Variants in CIMAP3 observed in about 807,000 individuals in gnomAD.
CIMAP3 encodes ciliary microtubule associated protein 3.
chr1:111,330,129 C>T, the CIMAP3 span, among the ~76,000 whole-genome samples: 1 of 152,072 alleles, frequency 6.6e-6, no homozygotes, highest in African/African-American at 2.4e-5. Flanking sequence ...GTTTTGCTAT[C>T]CTCCTGAATC....
the CIMAP3 span, chr1:111,351,509 A>G: frequency 2.2e-6 from 1 of 453,056 alleles, no homozygotes; most frequent in Non-Finnish European, 3.9e-6. Flanking sequence ...TGCTATCTCC[A>G]TCTACTGACT....
At chr1:111,328,650 G>C in the CIMAP3 span, among the ~76,000 whole-genome samples, 4 of 151,892 alleles carry the variant, frequency 2.6e-5, no homozygotes, top group Non-Finnish European at 5.9e-5. Context: ...AATCTGTTTT[G>C]TTGGAAATTA....
chr1:111,327,352 G>C, the CIMAP3 span, among the ~76,000 whole-genome samples: 1 of 152,106 alleles, frequency 6.6e-6, no homozygotes, highest in African/African-American at 2.4e-5. Context: ...TTGGTACCAA[G>C]ATGATGTTGG....
At chr1:111,335,695 G>A in the CIMAP3 span, among the ~76,000 whole-genome samples, 717 of 152,354 alleles carry the variant, frequency 4.7e-3, 5 homozygotes, top group African/African-American at 0.016. Flanking sequence ...AAAGCAGTCC[G>A]GAAGCTCGAA....
chr1:111,343,846 G>C, the CIMAP3 span, among the ~76,000 whole-genome samples: 2 of 152,274 alleles, frequency 1.3e-5, no homozygotes, highest in South Asian at 4.2e-4. Flanking sequence ...AGTATACTGG[G>C]ATCTTTATTG....
the CIMAP3 span, chr1:111,347,762 C>T: frequency 5.6e-6 from 9 of 1,608,588 alleles, no homozygotes; most frequent in African/African-American, 9.4e-5. Context: ...AGGTTTAAGC[C>T]AATACAGAAG....
At chr1:111,350,665 C>T in the CIMAP3 span, among the ~76,000 whole-genome samples, 1 of 152,190 alleles carries the variant, frequency 6.6e-6, no homozygotes, top group African/African-American at 2.4e-5. Context: ...GGGGACAAAA[C>T]TGCCTGGATT....
At chr1:111,327,619 T>C in the CIMAP3 span, among the ~76,000 whole-genome samples, 215 of 152,312 alleles carry the variant, frequency 1.4e-3, 2 homozygotes, top group African/African-American at 4.1e-3. Flanking sequence ...TATCCATCTC[T>C]TCTAAGTTGT....
the CIMAP3 span, among the ~76,000 whole-genome samples, chr1:111,350,618 A>G: frequency 6.6e-6 from 1 of 152,178 alleles, no homozygotes; most frequent in Non-Finnish European, 1.5e-5. Context: ...TAGATCACTG[A>G]GGAGCCATAG....
the CIMAP3 span, chr1:111,347,620 T>TTG: frequency 9.2e-7 from 1 of 1,091,638 alleles, no homozygotes; most frequent in Non-Finnish European, 1.3e-6. Flanking sequence ...TGTTTTTTCT[T>TTG]TCTTTTTTTT....
chr1:111,333,045 C>T, the CIMAP3 span, among the ~76,000 whole-genome samples: 3 of 152,196 alleles, frequency 2.0e-5, no homozygotes, highest in African/African-American at 7.2e-5. Context: ...GTTTTTCAGG[C>T]CCTGGATGCA....
At chr1:111,347,141 G>A in the CIMAP3 span, 1 of 1,415,810 alleles carries the variant, frequency 7.1e-7, no homozygotes, top group Non-Finnish European at 9.5e-7. Flanking sequence ...AAAATTCTGT[G>A]GGACTTGAGA....
the CIMAP3 span, among the ~76,000 whole-genome samples, chr1:111,327,956 T>C: frequency 6.6e-6 from 1 of 152,178 alleles, no homozygotes; most frequent in African/African-American, 2.4e-5. Context: ...TAATTTGAGA[T>C]CTTTCTAATG....
chr1:111,350,049 G>GTTAGTGTAT, the CIMAP3 span: 1 of 1,388,814 alleles, frequency 7.2e-7, no homozygotes, highest in East Asian at 2.3e-5. Context: ...TGGTACTGAT[G>GTTAGTGTAT]GAGTTTGTGT....
At chr1:111,334,783 A>G in the CIMAP3 span, among the ~76,000 whole-genome samples, 1 of 152,334 alleles carries the variant, frequency 6.6e-6, no homozygotes, top group Admixed American at 6.5e-5. Context: ...TCAACGGCAG[A>G]ATGGATCAAT....
chr1:111,347,837 C>G, the CIMAP3 span: 2 of 1,180,324 alleles, frequency 1.7e-6, no homozygotes, highest in South Asian at 1.3e-5. Context: ...GTGCAAAGGG[C>G]AGAGAGCAAG....
At chr1:111,331,177 G>A in the CIMAP3 span, among the ~76,000 whole-genome samples, 3 of 152,138 alleles carry the variant, frequency 2.0e-5, no homozygotes, top group Non-Finnish European at 4.4e-5. Context: ...TGAATATAAT[G>A]TGCCTCAGGA....
At chr1:111,345,146 T>C in the CIMAP3 span, among the ~76,000 whole-genome samples, 1 of 152,194 alleles carries the variant, frequency 6.6e-6, no homozygotes, top group Non-Finnish European at 1.5e-5. Flanking sequence ...TAATGACACA[T>C]TTCTTAGAAA....
the CIMAP3 span, among the ~76,000 whole-genome samples, chr1:111,337,603 C>T: frequency 1.3e-5 from 2 of 152,080 alleles, no homozygotes; most frequent in East Asian, 1.9e-4. Context: ...CAAAGAAGGC[C>T]GTTACATAAT....
Sources: allele counts gnomAD v4.1 joint callset (sites outside exome capture counted in the v4.1 genomes callset), GRCh38; gene constraint gnomAD v4.1.1; transcripts MANE v1.5; gene names NCBI Gene and HGNC (gene_info 2026-07-23, HGNC 2026-07-21).